SLC16A10: variants seen among roughly 807,000 people sequenced by gnomAD.
The protein encoded by SLC16A10 is solute carrier family 16 member 10, also known as monocarboxylate transporter 10.
Under a neutral mutation model 40.0 loss-of-function variants are expected in SLC16A10, and 27 were observed. The observed-to-expected ratio is 0.67, with a 90% CI of 0.50 to 0.93. The LOEUF is 0.93. Ranked by LOEUF, SLC16A10 falls within the 40% of genes least tolerant of loss-of-function variation. The pLI, the probability that SLC16A10 is intolerant of heterozygous loss-of-function variation, is 0.00. For synonymous variants in SLC16A10, 213 were observed against 249.8 expected (o/e 0.85, Z 1.39); for missense variants, 529 against 658.2 (o/e 0.80, Z 2.15).
chr6:111,159,921 T>C (rs1399811374), intron 1 of SLC16A10, among the ~76,000 whole-genome samples: 1 of 152,220 alleles, frequency 6.6e-6, no homozygotes, highest in East Asian at 1.9e-4. Flanking sequence ...ATTTTCCATT[T>C]ATATATCTTT....
chr6:111,172,991 T>C, intron 2 of SLC16A10, 152 bp downstream of exon 2: 2 of 971,802 alleles, frequency 2.1e-6, no homozygotes, highest in East Asian at 2.5e-5. Flanking sequence ...CTGTTATCCA[T>C]AGCAGCAAAT....
At chr6:111,219,337 C>T (rs1396910450) in intron 5 of SLC16A10, among the ~76,000 whole-genome samples, 3 of 152,028 alleles carry the variant, frequency 2.0e-5, no homozygotes, top group African/African-American at 7.2e-5. Context: ...GCCTGGACAA[C>T]ATAGTGAGAC....
rs540400625 is a variant in SLC16A10 at position 111,179,864 on chromosome 6, T to C, written c.942+2199T>C. 4.6e-5 allele frequency among the ~76,000 whole-genome samples: 7 copies of C among 152,364 alleles called. No individual in the cohort carries two copies. The South Asian group carries it at 1.4e-3, about 32-fold the overall frequency. On this transcript the variant is annotated intron_variant, in intron 3 of 5. Coordinates refer to ENST00000368851, the MANE Select transcript of SLC16A10 (RefSeq NM_018593.5). ...GGAAAGATCAGATAGCTAAATGCCA[T>C]ACAGGTGTTTAAATCTCCTCTTTGG...
rs1562439949 is a variant in SLC16A10 at position 111,225,499 on chromosome 6, G to A, written c.*3264G>A. 1 of 148,330 alleles carries A rather than the reference G, an allele frequency of 6.7e-6. No individual in the cohort carries two copies. The highest frequency in any genetic ancestry group is 1.5e-5 in the Non-Finnish European group (1 of 67,710). The allele number at this position is 148,330 out of a possible 1,614,324, so 9.2% of individuals were successfully genotyped here. On this transcript the variant is annotated 3_prime_UTR_variant, in exon 6 of 6. Coordinates refer to ENST00000368851, the MANE Select transcript of SLC16A10 (RefSeq NM_018593.5). ...CAGGAGGCAGAGGTTGCAGTGAGGC[G>A]AGATTGCGCCACTGCACTCCAGCCT...
chr6:111,098,267 T>C (rs1433086289), intron 1 of SLC16A10, among the ~76,000 whole-genome samples: 1 of 151,990 alleles, frequency 6.6e-6, no homozygotes, highest in East Asian at 1.9e-4. Flanking sequence ...GATCATGCCA[T>C]TGTACTCCAG....
intron 1 of SLC16A10, among the ~76,000 whole-genome samples, chr6:111,169,931 T>TC (rs1299904936): frequency 1.3e-5 from 2 of 150,372 alleles, no homozygotes; most frequent in Non-Finnish European, 3.0e-5. Flanking sequence ...TTTTTTTTTT[T>TC]TTTGAGACAG....
At chr6:111,198,741 T>C (rs1290375605) in intron 3 of SLC16A10, among the ~76,000 whole-genome samples, 1 of 152,236 alleles carries the variant, frequency 6.6e-6, no homozygotes, top group Non-Finnish European at 1.5e-5. Flanking sequence ...AATTCCACTA[T>C]TGATTAGAGA....
In SLC16A10 at chr6:111,191,786, T is replaced by TA. The variant is rs577636856; in HGVS notation, c.942+14121_942+14122insA. ...TAATGACCAGTGATGATCTTTTTTT[T>TA]TATATATATTTGTTGGCTGCAAAAA... On this transcript the variant is annotated intron_variant, in intron 3 of 5. Coordinates refer to ENST00000368851, the MANE Select transcript of SLC16A10 (RefSeq NM_018593.5). Among the ~76,000 whole-genome samples the TA allele has an allele frequency of 4.3e-4, 65 of 152,334 alleles. No homozygotes were observed. The South Asian group carries it at 4.6e-3, about 11-fold the overall frequency.
chr6:111,148,933 C>A (rs1023394110), intron 1 of SLC16A10, among the ~76,000 whole-genome samples: 2 of 152,134 alleles, frequency 1.3e-5, no homozygotes, highest in African/African-American at 2.4e-5. Context: ...CATGGTGAAA[C>A]CCCATCTCTC....
Position 111,134,140 on chromosome 6 carries a change from A to G in SLC16A10, c.344-38555A>G, listed in dbSNP as rs868746718. ...CGGAGGAAAGAGAACGATTCCCCAC[A>G]GGGCAGCAGGCAGTTCCCAGTGTAG... On this transcript the variant is annotated intron_variant, in intron 1 of 5. Transcript: ENST00000368851. Among the ~76,000 whole-genome samples, 8 of 152,238 alleles carry G rather than the reference A, an allele frequency of 5.3e-5. No individual in the cohort carries two copies. The South Asian group carries it at 1.4e-3, about 28-fold the overall frequency.
chr6:111,154,866 A>G (rs1201000242), intron 1 of SLC16A10, among the ~76,000 whole-genome samples: 2 of 152,034 alleles, frequency 1.3e-5, no homozygotes, highest in African/African-American at 4.8e-5. Context: ...TTTACTAAAA[A>G]TACAAAAATT....
chr6:111,121,428 G>A (rs1215618536), intron 1 of SLC16A10, among the ~76,000 whole-genome samples: 1 of 152,182 alleles, frequency 6.6e-6, no homozygotes, highest in Non-Finnish European at 1.5e-5. Context: ...GGGCGTGGTG[G>A]CGTGTGCCTG....
At chr6:111,142,237 A>G (rs1771996084) in intron 1 of SLC16A10, among the ~76,000 whole-genome samples, 1 of 152,184 alleles carries the variant, frequency 6.6e-6, no homozygotes, top group South Asian at 2.1e-4. Flanking sequence ...TTAATCTTTG[A>G]CAAAGGAGCA....
chr6:111,178,329 A>T (rs1307836755), intron 3 of SLC16A10: 7 of 521,842 alleles, frequency 1.3e-5, no homozygotes, highest in Non-Finnish European at 2.4e-5. Context: ...ATGAGGAAAG[A>T]GAACTATGGT....
At chr6:111,158,191 A>G (rs1028639053) in intron 1 of SLC16A10, among the ~76,000 whole-genome samples, 4 of 152,190 alleles carry the variant, frequency 2.6e-5, no homozygotes, top group Admixed American at 1.3e-4. Flanking sequence ...AGTGAACTTT[A>G]TAATGAAAAG....
rs1583295036 is a variant in SLC16A10, at chr6:111,087,622, G to A, written c.-131G>A. On this transcript the variant is annotated 5_prime_UTR_variant, in exon 1 of 6. Coordinates refer to ENST00000368851, the MANE Select transcript of SLC16A10 (RefSeq NM_018593.5). ...CCGCCTGCGCGCTGCCAGCCCGCCC[G>A]CCCGCCAGGGGCTCCGCCGCCCTCG... is the stretch of plus-strand genomic sequence containing the variant. 3.7e-5 allele frequency: 16 copies of A among 437,128 alleles called. No homozygotes were observed. The East Asian group carries it at 8.2e-4, about 23-fold the overall frequency. The allele number at this position is 437,128 out of a possible 1,614,324, so 27.1% of individuals were successfully genotyped here.
chr6:111,175,085 A>T lies in SLC16A10; in HGVS notation c.489-2127A>T, dbSNP rs35758313. ...AAATGTGGTATAGATTCTGAGTGTC[A>T]AGTGGCAGGTCCATTTTTTCCTCTA... On this transcript the variant is annotated intron_variant, in intron 2 of 5. Transcript: ENST00000368851. Among the ~76,000 whole-genome samples the T allele has an allele frequency of 2.8e-3, 422 of 152,338 alleles. 2 individuals are homozygous for T. Among genetic ancestry groups the T allele is most frequent in the Middle Eastern group, 0.02 (6 of 294 alleles).
intron 1 of SLC16A10, among the ~76,000 whole-genome samples, chr6:111,103,280 C>T (rs567475509): frequency 4.6e-5 from 7 of 152,126 alleles, no homozygotes; most frequent in Non-Finnish European, 7.4e-5. Context: ...TGCAATGGCA[C>T]GATCTTGGCT....
In SLC16A10 at chr6:111,087,613, AGCCC is replaced by A. The variant is rs1001924519; in HGVS notation, c.-128_-125del. 28 of 384,326 alleles carry A rather than the reference AGCCC, an allele frequency of 7.3e-5. No individual in the cohort carries two copies. Among genetic ancestry groups the A allele is most frequent in the Admixed American group, 4.1e-4 (8 of 19,606 alleles). 23.8% of individuals were successfully genotyped at this position (384,326 alleles called of 1,614,324 possible). The stretch of plus-strand genomic sequence containing the variant: ...GCGCGCTGGCCGCCTGCGCGCTGCC[AGCCC>A]GCCCGCCCGCCAGGGGCTCCGCCGC... On this transcript the variant is annotated 5_prime_UTR_variant, in exon 1 of 6. Coordinates refer to ENST00000368851, the MANE Select transcript of SLC16A10 (RefSeq NM_018593.5).
Sources: allele counts gnomAD v4.1 joint callset (sites outside exome capture counted in the v4.1 genomes callset), GRCh38; gene constraint gnomAD v4.1.1; transcripts MANE v1.5; gene names NCBI Gene and HGNC (gene_info 2026-07-23, HGNC 2026-07-21).